RSRC1: variants seen among roughly 807,000 people sequenced by gnomAD.
The protein encoded by RSRC1 is arginine and serine rich coiled-coil 1.
RSRC1 carries 39 observed loss-of-function variants against 49.1 expected under a neutral mutation model. The ratio of observed to expected loss-of-function variants is 0.79; its 90% CI spans 0.61 to 1.04. RSRC1 has a LOEUF of 1.04. Ranked by LOEUF, RSRC1 falls within the 50% of genes least tolerant of loss-of-function variation. The pLI is 0.00. For missense variants in RSRC1, 388 were observed against 402.4 expected (o/e 0.96, Z 0.31); for synonymous variants, 143 against 130.8 (o/e 1.09, Z -0.63).
chr3:158,463,133 G>A (rs1164041087), intron 7 of RSRC1, among the ~76,000 whole-genome samples: 1 of 152,024 alleles, frequency 6.6e-6, no homozygotes, highest in Non-Finnish European at 1.5e-5. Flanking sequence ...CTCATTGAAA[G>A]TATAACCCAA....
chr3:158,275,891 T>A, intron 4 of RSRC1: 1 of 665,650 alleles, frequency 1.5e-6, no homozygotes, highest in Non-Finnish European at 2.6e-6. Flanking sequence ...GTGGAACTTA[T>A]GGCCCTTTCA....
intron 7 of RSRC1, among the ~76,000 whole-genome samples, chr3:158,477,207 A>G (rs932522322): frequency 2.2e-4 from 34 of 152,160 alleles, no homozygotes; most frequent in Middle Eastern, 3.2e-3. Context: ...AATTACAACA[A>G]AGGCTGTGGA....
At chr3:158,394,693 A>G (rs1172255387) in intron 6 of RSRC1, among the ~76,000 whole-genome samples, 2 of 152,132 alleles carry the variant, frequency 1.3e-5, no homozygotes, top group Non-Finnish European at 1.5e-5. Context: ...CAGAGATGAC[A>G]CAAACAAATG....
intron 8 of RSRC1, among the ~76,000 whole-genome samples, chr3:158,540,578 T>TA (rs34332147): frequency 1.8e-3 from 260 of 145,914 alleles, no homozygotes; most frequent in Middle Eastern, 3.6e-3. Flanking sequence ...ACACATGCCT[T>TA]AAAAAAAAAA....
chr3:158,257,393 A>G (rs1355079264), intron 4 of RSRC1, among the ~76,000 whole-genome samples: 4 of 152,148 alleles, frequency 2.6e-5, no homozygotes, highest in Admixed American at 2.0e-4. Flanking sequence ...TCATTATATA[A>G]TGACTTTGCC....
intron 6 of RSRC1, among the ~76,000 whole-genome samples, chr3:158,361,207 C>G (rs1455064169): frequency 6.6e-6 from 1 of 152,168 alleles, no homozygotes; most frequent in Non-Finnish European, 1.5e-5. Flanking sequence ...CCAGGCAGCC[C>G]TTGGCAGAGC....
intron 1 of RSRC1, chr3:158,110,552 G>C (rs1218720686): frequency 6.5e-6 from 1 of 152,690 alleles, no homozygotes; most frequent in Admixed American, 6.5e-5. Flanking sequence ...GCTGCTTTTG[G>C]GTTTCCTGGC....
intron 6 of RSRC1, among the ~76,000 whole-genome samples, chr3:158,431,300 A>C (rs1402319916): frequency 2.0e-5 from 3 of 151,854 alleles, no homozygotes; most frequent in Non-Finnish European, 2.9e-5. Flanking sequence ...GAACCTCTGT[A>C]ATCTCCATCT....
intron 6 of RSRC1, among the ~76,000 whole-genome samples, chr3:158,356,019 T>A (rs1321869322): frequency 6.6e-6 from 1 of 151,926 alleles, no homozygotes; most frequent in Admixed American, 6.6e-5. Flanking sequence ...GGAACAATTA[T>A]AATAATATAC....
At chr3:158,386,114 G>T (rs1417823054) in intron 6 of RSRC1, among the ~76,000 whole-genome samples, 1 of 151,868 alleles carries the variant, frequency 6.6e-6, no homozygotes, top group Non-Finnish European at 1.5e-5. Context: ...GTTATTGAGT[G>T]GATAAATTTT....
intron 4 of RSRC1, among the ~76,000 whole-genome samples, chr3:158,243,913 G>A (rs1391394461): frequency 6.8e-6 from 1 of 146,078 alleles, no homozygotes; most frequent in African/African-American, 2.5e-5. Flanking sequence ...CTTTGCTGAA[G>A]TTTCTTATCA....
chr3:158,132,073 T>A (rs1042333183), intron 3 of RSRC1: 1 of 437,794 alleles, frequency 2.3e-6, no homozygotes, highest in Non-Finnish European at 4.6e-6. Context: ...AGCCTTTACC[T>A]CCTTCACTCA....
At chr3:158,326,305 G>T (rs1244100615) in intron 5 of RSRC1, among the ~76,000 whole-genome samples, 1 of 152,150 alleles carries the variant, frequency 6.6e-6, no homozygotes, top group African/African-American at 2.4e-5. Flanking sequence ...CATGTCTTGT[G>T]CCGGTTTTCA....
At chr3:158,122,607 C>T (rs1340421697) in intron 2 of RSRC1, among the ~76,000 whole-genome samples, 2 of 151,434 alleles carry the variant, frequency 1.3e-5, no homozygotes, top group African/African-American at 4.9e-5. Context: ...TTTTATTATA[C>T]TTTAAGTTCT....
chr3:158,321,004 A>T (rs1343629982), intron 5 of RSRC1, among the ~76,000 whole-genome samples: 1 of 152,128 alleles, frequency 6.6e-6, no homozygotes, highest in Non-Finnish European at 1.5e-5. Flanking sequence ...GAATCTGATA[A>T]AAACCGGGAT....
chr3:158,375,200 T>C (rs1025171582), intron 6 of RSRC1, among the ~76,000 whole-genome samples: 1 of 122,512 alleles, frequency 8.2e-6, no homozygotes, highest in African/African-American at 3.0e-5. Flanking sequence ...TTATTATTAT[T>C]AACTTATTTT....
chr3:158,470,438 T>C (rs1738088045), intron 7 of RSRC1, among the ~76,000 whole-genome samples: 1 of 151,768 alleles, frequency 6.6e-6, no homozygotes, highest in South Asian at 2.1e-4. Context: ...TTATTTTAGT[T>C]TTCTGGGATT....
chr3:158,508,620 T>G (rs553137867), intron 7 of RSRC1, among the ~76,000 whole-genome samples: 30 of 152,220 alleles, frequency 2.0e-4, no homozygotes, highest in African/African-American at 6.5e-4. Context: ...ATTCCAGAAA[T>G]AAACAATTCA....
At chr3:158,351,500 C>A (rs1180604047) in intron 5 of RSRC1, among the ~76,000 whole-genome samples, 1 of 152,046 alleles carries the variant, frequency 6.6e-6, no homozygotes, top group Non-Finnish European at 1.5e-5. Flanking sequence ...GGAGTTCGTC[C>A]CTGTATTTCA....
Sources: gnomAD v4.1 joint callset for allele counts (sites outside exome capture counted in the v4.1 genomes callset) on GRCh38, gnomAD v4.1.1 for gene constraint, MANE v1.5 for transcripts, NCBI Gene and HGNC (gene_info 2026-07-23, HGNC 2026-07-21) for gene names.